The following ARHGAP24 variants were observed in gnomAD, a reference collection of about 807,000 sequenced individuals.
ARHGAP24 encodes the protein Rho GTPase activating protein 24, also known as rho GTPase-activating protein 24.
A neutral mutation model predicts 76.4 loss-of-function variants in ARHGAP24; 50 were observed. The observed-to-expected ratio is 0.65, with a 90% CI of 0.52 to 0.83. The LOEUF is 0.83. Among genes scored for constraint, ARHGAP24 ranks in the 40% least tolerant of loss-of-function variants. The probability of loss-of-function intolerance (pLI) is 0.00; values close to 1 mark genes in which losing one functional copy is unlikely to be tolerated. For synonymous variants in ARHGAP24, 345 were observed against 323.3 expected (o/e 1.07, Z -0.72); for missense variants, 930 against 914.2 (o/e 1.02, Z -0.22).
At chr4:85,712,404 T>C (rs1463232763) in intron 2 of ARHGAP24, among the ~76,000 whole-genome samples, 1 of 152,212 alleles carries the variant, frequency 6.6e-6, no homozygotes, top group Non-Finnish European at 1.5e-5. Flanking sequence ...TACAGGCTCC[T>C]TTCTAGGTCA....
chr4:85,694,542 C>A (rs1375569978), intron 2 of ARHGAP24, among the ~76,000 whole-genome samples: 2 of 151,950 alleles, frequency 1.3e-5, no homozygotes, highest in African/African-American at 2.4e-5. Flanking sequence ...GTACTAGTAG[C>A]ATTAATTTTT....
chr4:85,680,161 C>T (rs547460076), intron 2 of ARHGAP24, among the ~76,000 whole-genome samples: 3 of 152,242 alleles, frequency 2.0e-5, no homozygotes, highest in South Asian at 4.1e-4. Flanking sequence ...TGAATCTGAT[C>T]GGCATGAGCA....
intron 2 of ARHGAP24, among the ~76,000 whole-genome samples, chr4:85,607,846 C>G (rs1720253664): frequency 6.6e-6 from 1 of 150,906 alleles, no homozygotes; most frequent in African/African-American, 2.4e-5. Context: ...TTGGGCTTTC[C>G]CTCAGGTGTT....
At chr4:85,511,917 C>A (rs547367573) in intron 1 of ARHGAP24, among the ~76,000 whole-genome samples, 3 of 152,340 alleles carry the variant, frequency 2.0e-5, no homozygotes, top group East Asian at 3.9e-4. Flanking sequence ...AGCTGCATAA[C>A]TCTAATCTCT....
intron 3 of ARHGAP24, among the ~76,000 whole-genome samples, chr4:85,888,351 G>C (rs980891729): frequency 7.8e-5 from 11 of 141,622 alleles, no homozygotes; most frequent in Admixed American, 3.8e-4. Flanking sequence ...AGTGAGCCAA[G>C]ATCACACCAC....
chr4:85,584,952 A>T (rs1037438932), intron 2 of ARHGAP24, among the ~76,000 whole-genome samples: 4 of 152,212 alleles, frequency 2.6e-5, no homozygotes, highest in African/African-American at 9.7e-5. Flanking sequence ...GGCCTTCTGT[A>T]GACCATGCTT....
chr4:85,945,848 T>C (rs1015459703), intron 5 of ARHGAP24, among the ~76,000 whole-genome samples: 1 of 152,156 alleles, frequency 6.6e-6, no homozygotes, highest in Non-Finnish European at 1.5e-5. Context: ...GTATAGTTTG[T>C]CCTTTTCCTT....
chr4:85,531,328 C>T (rs924589864), intron 1 of ARHGAP24, among the ~76,000 whole-genome samples: 1 of 151,998 alleles, frequency 6.6e-6, no homozygotes, highest in Non-Finnish European at 1.5e-5. Context: ...TATAGGAAAT[C>T]CTCCATGAAT....
At position 85,501,342 on chromosome 4, in the gene ARHGAP24, C is replaced by T. The variant is rs140478800; in HGVS notation, c.-21+25783C>T. 8.9e-3 allele frequency among the ~76,000 whole-genome samples: 1,352 copies of T among 152,312 alleles called. 13 individuals carry two copies. The highest frequency in any genetic ancestry group is 0.031 in the African/African-American group (1,281 of 41,564). On this transcript the variant is annotated intron_variant, in intron 1 of 9. Coordinates refer to ENST00000395184, the MANE Select transcript of ARHGAP24 (RefSeq NM_001025616.3). ...TTGAACTAGTTTACAGTCCCACCAACAGTGTAAATGCATTCCTATTTCTCC... is the reference window on the plus strand; with the variant it reads ...TTGAACTAGTTTACAGTCCCACCAATAGTGTAAATGCATTCCTATTTCTCC...
At chr4:85,829,383 A>T (rs1729877467) in intron 3 of ARHGAP24, among the ~76,000 whole-genome samples, 1 of 152,218 alleles carries the variant, frequency 6.6e-6, no homozygotes, top group Non-Finnish European at 1.5e-5. Flanking sequence ...TTGAAAGAAG[A>T]TTCTAATACT....
rs542429721 is a variant in ARHGAP24 at position 85,529,662 on chromosome 4, A to G, written c.-20-40860A>G. 2.0e-5 allele frequency among the ~76,000 whole-genome samples: 3 copies of G among 152,116 alleles called. No homozygotes were observed. In the South Asian group the frequency reaches 6.2e-4, roughly 31 times the overall value. ...GATGCCAGTAGAAACTCCCTTCCCAATGTGACAACCAAAAGTATCTCCAGA... is the reference window on the plus strand; with the variant it reads ...GATGCCAGTAGAAACTCCCTTCCCAGTGTGACAACCAAAAGTATCTCCAGA... On this transcript the variant is annotated intron_variant, in intron 1 of 9. Coordinates refer to ENST00000395184, the MANE Select transcript of ARHGAP24 (RefSeq NM_001025616.3).
intron 3 of ARHGAP24, chr4:85,778,715 G>T: frequency 1.0e-6 from 1 of 985,270 alleles, no homozygotes; most frequent in Non-Finnish European, 1.2e-6. Flanking sequence ...GGGATGGGAG[G>T]ATACTGACTA....
chr4:85,557,421 T>G (rs1172017980), intron 1 of ARHGAP24, among the ~76,000 whole-genome samples: 1 of 152,206 alleles, frequency 6.6e-6, no homozygotes, highest in Non-Finnish European at 1.5e-5. Context: ...TGTGTTGGTC[T>G]GGAGGCCGCA....
chr4:85,899,345 A>G (rs1037262147), intron 3 of ARHGAP24, among the ~76,000 whole-genome samples: 2 of 152,228 alleles, frequency 1.3e-5, no homozygotes, highest in African/African-American at 4.8e-5. Context: ...AGGTCAGTTA[A>G]TCAGTAAATG....
At chr4:85,972,202 T>G (rs371534029) in intron 6 of ARHGAP24, 34 bp downstream of exon 6, 1 of 1,611,032 alleles carries the variant, frequency 6.2e-7, no homozygotes, top group African/African-American at 1.3e-5. Context: ...AATAAGCTTT[T>G]GTTTGGAATT....
At chr4:85,595,183 G>C (rs1719760386) in intron 2 of ARHGAP24, among the ~76,000 whole-genome samples, 1 of 151,960 alleles carries the variant, frequency 6.6e-6, no homozygotes, top group African/African-American at 2.4e-5. Flanking sequence ...AACCAAACAT[G>C]GTAAGAGAAC....
chr4:85,983,703 T>C (rs1156661035), intron 8 of ARHGAP24, among the ~76,000 whole-genome samples: 1 of 152,132 alleles, frequency 6.6e-6, no homozygotes, highest in Non-Finnish European at 1.5e-5. Flanking sequence ...TCTCCCCTGC[T>C]CTCAAAACTC....
intron 2 of ARHGAP24, among the ~76,000 whole-genome samples, chr4:85,633,024 G>T (rs1560562235): frequency 6.6e-6 from 1 of 151,250 alleles, no homozygotes; most frequent in Non-Finnish European, 1.5e-5. Context: ...TAATAACATT[G>T]TTGTCTAGCA....
At chr4:85,956,838 C>G (rs13121803) in intron 5 of ARHGAP24, among the ~76,000 whole-genome samples, 31,850 of 152,000 alleles carry the variant, frequency 0.21, 3,596 homozygotes, top group South Asian at 0.39. Flanking sequence ...AGCTCCAGCC[C>G]TAACAAACAC....
Sources: gnomAD v4.1 joint callset for allele counts (sites outside exome capture counted in the v4.1 genomes callset) on GRCh38, gnomAD v4.1.1 for gene constraint, MANE v1.5 for transcripts, NCBI Gene and HGNC (gene_info 2026-07-23, HGNC 2026-07-21) for gene names.